The following POT1 variants were observed in gnomAD, a reference collection of about 807,000 sequenced individuals.
The protein encoded by POT1 is protection of telomeres 1, also known as protection of telomeres protein 1.
POT1 carries 47 observed loss-of-function variants against 78.5 expected under a neutral mutation model. The ratio of observed to expected loss-of-function variants is 0.60; its 90% CI spans 0.47 to 0.76. POT1 has a LOEUF of 0.76. Among genes scored for constraint, POT1 ranks in the 30% least tolerant of loss-of-function variants. The pLI is 0.00. For missense variants in POT1, 646 were observed against 749.9 expected, an observed-to-expected ratio of 0.86 and a Z score of 1.62; for synonymous variants, 259 against 260.7, an observed-to-expected ratio of 0.99 and a Z score of 0.06.
chr7:124,871,712 T>A (rs1795873959), intron 6 of POT1, among the ~76,000 whole-genome samples: 1 of 148,436 alleles, frequency 6.7e-6, no homozygotes, highest in Non-Finnish European at 1.5e-5. Flanking sequence ...GTAAAAACTG[T>A]AATAGATCCT....
At position 124,863,244 on chromosome 7, in the gene POT1, GTAT is replaced by G. The variant is rs1341071153; in HGVS notation, c.546+103_546+105del. 2.7e-6 allele frequency: 3 copies of G among 1,118,064 alleles called. No individual in the cohort carries two copies. The African/African-American group carries it at 4.7e-5, about 18-fold the overall frequency. 69.3% of individuals were successfully genotyped at this position (1,118,064 alleles called of 1,614,324 possible). On this transcript the variant is annotated intron_variant, in intron 8 of 18. Transcript: ENST00000357628. ...AAAATAGTTAAAATTTAAGTTCCTA[GTAT>G]AATACACAGCATGCTTTATCTCATC...
rs1283293522 is a variant in POT1 at position 124,863,624 on chromosome 7, T to C, written c.272A>G (p.Lys91Arg). 6.2e-7 allele frequency: 1 copy of C among 1,609,742 alleles called. No individual in the cohort carries two copies. The highest frequency in any genetic ancestry group is 1.3e-5 in the African/African-American group (1 of 74,526). Residue 91 changes from lysine (K) to arginine (R), a missense_variant, in exon 8 of 19, where the codon AAG becomes AGG. Physicochemically the swap from Lys to Arg is conservative, Grantham distance 26. Around this residue, in one of 2 missense-constraint regions of POT1, gnomAD observed 252 missense variants for 341.4 expected, o/e 0.74. Transcript: ENST00000357628. ...FHRLKIQVYK[K>R]ETQGITSSGF... Reference sequence around the variant, plus strand: ...AGAGCTGGTGATACCCTGAGTCTCCTTTTTATATACTTGAATCTAAGAAAG... The same window carrying C: ...AGAGCTGGTGATACCCTGAGTCTCCCTTTTATATACTTGAATCTAAGAAAG...
At chr7:124,876,297 C>T (rs1243018481) in intron 6 of POT1, among the ~76,000 whole-genome samples, 4 of 152,084 alleles carry the variant, frequency 2.6e-5, no homozygotes, top group Admixed American at 6.6e-5. Flanking sequence ...ATTCGCACTG[C>T]TGTATAATAT....
At chr7:124,828,203 C>G (rs1794677725) in intron 16 of POT1, among the ~76,000 whole-genome samples, 2 of 152,178 alleles carry the variant, frequency 1.3e-5, no homozygotes, top group Non-Finnish European at 2.9e-5. Context: ...TAGCATGCCT[C>G]TCTCCTTTCT....
intron 6 of POT1, among the ~76,000 whole-genome samples, chr7:124,883,392 C>G (rs1796168796): frequency 6.6e-6 from 1 of 152,072 alleles, no homozygotes; most frequent in African/African-American, 2.4e-5. Context: ...ATTAATTTAT[C>G]TGTCTTCACA....
intron 12 of POT1, among the ~76,000 whole-genome samples, chr7:124,844,221 C>A (rs536241838): frequency 1.3e-5 from 2 of 150,580 alleles, no homozygotes; most frequent in Non-Finnish European, 3.0e-5. Context: ...CTCTACCTCC[C>A]AGGTTCAAGC....
intron 7 of POT1, among the ~76,000 whole-genome samples, chr7:124,866,898 C>T (rs1795739874): frequency 6.6e-6 from 1 of 152,214 alleles, no homozygotes; most frequent in African/African-American, 2.4e-5. Flanking sequence ...TACTTGCCTA[C>T]AACTGATCGA....
chr7:124,921,928 G>A lies in POT1; in HGVS notation c.-226-6282C>T, dbSNP rs1797161148. Among the ~76,000 whole-genome samples the A allele has an allele frequency of 2.0e-5, 3 of 151,884 alleles. No homozygotes were observed. In the South Asian group the frequency reaches 6.2e-4, roughly 32 times the overall value. On this transcript the variant is annotated intron_variant, in intron 2 of 18. Transcript: ENST00000357628. ...TTTCCCAAATTTGATGAAAAATACT[G>A]AATGAATCCAAGAAGCTCAGTTACC...
intron 15 of POT1, among the ~76,000 whole-genome samples, chr7:124,829,882 A>G (rs550856531): frequency 6.6e-6 from 1 of 152,168 alleles, no homozygotes; most frequent in African/African-American, 2.4e-5. Context: ...GTAATTTTAT[A>G]GAGACAGGGT....
intron 7 of POT1, 144 bp downstream of exon 7, chr7:124,870,767 T>G: frequency 1.9e-6 from 1 of 527,128 alleles, no homozygotes; most frequent in Non-Finnish European, 2.9e-6. Context: ...TGAAGTCTGA[T>G]AATATTTACA....
At chr7:124,850,736 A>AAAAAC (rs1045697264) in intron 11 of POT1, among the ~76,000 whole-genome samples, 1 of 152,056 alleles carries the variant, frequency 6.6e-6, no homozygotes, top group African/African-American at 2.4e-5. Context: ...TGTCTCAAAA[A>AAAAAC]AAAACAAAAC....
At chr7:124,896,504 C>T (rs10223980) in intron 5 of POT1, among the ~76,000 whole-genome samples, 91,005 of 151,348 alleles carry the variant, frequency 0.6, 27,489 homozygotes, top group African/African-American at 0.65. Flanking sequence ...CATTGTCAAC[C>T]AGAAACAGTT....
At chr7:124,841,477 AT>A (rs1238322577) in intron 13 of POT1, among the ~76,000 whole-genome samples, 3 of 151,898 alleles carry the variant, frequency 2.0e-5, no homozygotes, top group African/African-American at 7.2e-5. Flanking sequence ...TCTAGCATCA[AT>A]TTTTTTCTCC....
In POT1 at chr7:124,822,476, A is replaced by G; in HGVS notation, c.*1486T>C. ...TTCATAGGAAGAGTTTTCCTTTGTT[A>G]ACGTGGAGATCTTGCAGGCTCACAG... On this transcript the variant is annotated 3_prime_UTR_variant, in exon 19 of 19. Transcript: ENST00000357628. 2.3e-6 allele frequency: 1 copy of G among 436,566 alleles called. No individual in the cohort carries two copies. Among genetic ancestry groups the G allele is most frequent in the Non-Finnish European group, 4.7e-6 (1 of 213,494 alleles). The allele number at this position is 436,566 out of a possible 1,614,324, so 27.0% of individuals were successfully genotyped here.
At chr7:124,857,530 G>A (rs992613296) in intron 9 of POT1, among the ~76,000 whole-genome samples, 10 of 152,164 alleles carry the variant, frequency 6.6e-5, no homozygotes, top group South Asian at 2.1e-4. Context: ...AGGCTCAGCC[G>A]GCAGAGGGAA....
intron 3 of POT1, among the ~76,000 whole-genome samples, chr7:124,898,722 G>A (rs1796551430): frequency 1.3e-5 from 2 of 152,132 alleles, no homozygotes; most frequent in East Asian, 3.9e-4. Flanking sequence ...TCTCAAAGTT[G>A]AGAAACTACA....
chr7:124,855,390 T>C (rs1379796107), intron 9 of POT1, among the ~76,000 whole-genome samples: 3 of 151,860 alleles, frequency 2.0e-5, no homozygotes, highest in Non-Finnish European at 4.4e-5. Context: ...TACTACAGTA[T>C]TTTTTAACAT....
chr7:124,878,123 G>C (rs940064344), intron 6 of POT1, among the ~76,000 whole-genome samples: 1 of 152,012 alleles, frequency 6.6e-6, no homozygotes, highest in Non-Finnish European at 1.5e-5. Context: ...TAGTGGCCAG[G>C]AGTTTGAGAC....
At chr7:124,835,211 C>T in intron 15 of POT1, 68 bp downstream of exon 15, 1 of 1,568,460 alleles carries the variant, frequency 6.4e-7, no homozygotes, top group Non-Finnish European at 8.7e-7. Context: ...CCTCCATGTT[C>T]AGCACATGAC....
Sources: gnomAD v4.1 joint callset for allele counts (sites outside exome capture counted in the v4.1 genomes callset) on GRCh38, gnomAD v4.1.1 for gene constraint, gnomAD v4.1.1 regional missense constraint, MANE v1.5 for transcripts, NCBI Gene and HGNC (gene_info 2026-07-23, HGNC 2026-07-21) for gene names.